Variants in C1orf185 observed in about 807,000 individuals in gnomAD.
C1orf185 encodes chromosome 1 open reading frame 185, also known as uncharacterized protein C1orf185.
Under a neutral mutation model 16.1 loss-of-function variants are expected in C1orf185, and 13 were observed. That is an observed-to-expected ratio of 0.81 (90% confidence interval 0.53 to 1.28). The LOEUF is 1.28. C1orf185 is among the 50% of genes most tolerant of loss of function. The pLI, the probability that C1orf185 is intolerant of heterozygous loss-of-function variation, is 0.00. For missense variants in C1orf185, 220 were observed against 225.2 expected (o/e 0.98, Z 0.15); for synonymous variants, 80 against 76.9 (o/e 1.04, Z -0.21).
At chr1:51,147,377 A>T in intron 4 of C1orf185, 90 bp from the exon 5 acceptor site, 1 of 1,190,556 alleles carries the variant, frequency 8.4e-7, no homozygotes, top group Non-Finnish European at 1.1e-6. Context: ...GAATTTCTTT[A>T]TAGCATTATC....
Position 51,147,457 on chromosome 1 carries a change from G to A in C1orf185, c.296-10G>A. The stretch of plus-strand genomic sequence containing the variant: ...AATATATAATATTCATAGTAAATCT[G>A]TTTTTACAGCAATTAAAGATCATTC... On this transcript the variant is annotated splice_polypyrimidine_tract_variant and intron_variant, in intron 4 of 4. Transcript: ENST00000371759. The A allele has an allele frequency of 6.6e-7, 1 of 1,504,374 alleles. No homozygotes were observed. 93.2% of individuals were successfully genotyped at this position (1,504,374 alleles called of 1,614,324 possible).
chr1:51,118,619 A>G (rs1646174639), intron 2 of C1orf185, 47 bp from the exon 3 acceptor site: 1 of 1,101,228 alleles, frequency 9.1e-7, no homozygotes, highest in South Asian at 2.6e-5. Context: ...TAATTGTTTT[A>G]TAATCTAACT....
At chr1:51,143,821 C>T (rs1196099524) in intron 3 of C1orf185, among the ~76,000 whole-genome samples, 2 of 152,146 alleles carry the variant, frequency 1.3e-5, no homozygotes, top group Non-Finnish European at 2.9e-5. Flanking sequence ...CGCCATCATG[C>T]CCAGCTAATT....
intron 3 of C1orf185, among the ~76,000 whole-genome samples, chr1:51,137,985 T>C (rs557142886): frequency 1.3e-5 from 2 of 152,212 alleles, no homozygotes; most frequent in Admixed American, 1.3e-4. Flanking sequence ...CTCATTTATA[T>C]GGGAGAGCCA....
At chr1:51,131,625 G>A (rs1217086789) in intron 3 of C1orf185, among the ~76,000 whole-genome samples, 1 of 152,118 alleles carries the variant, frequency 6.6e-6, no homozygotes, top group African/African-American at 2.4e-5. Flanking sequence ...AAGAAAGAGA[G>A]AGAGAGAGAG....
chr1:51,130,622 A>T (rs1037421436), intron 3 of C1orf185, among the ~76,000 whole-genome samples: 1 of 152,230 alleles, frequency 6.6e-6, no homozygotes, highest in African/African-American at 2.4e-5. Flanking sequence ...CATTGTCCCA[A>T]CATCATTTGT....
At chr1:51,106,630 C>T (rs970065656) in intron 1 of C1orf185, among the ~76,000 whole-genome samples, 11 of 152,044 alleles carry the variant, frequency 7.2e-5, no homozygotes, top group Non-Finnish European at 1.5e-4. Flanking sequence ...GCCTGGGCAA[C>T]AGAGTCAGGC....
downstream of C1orf185, among the ~76,000 whole-genome samples, chr1:51,150,605 T>TA (rs944745473): frequency 4.5e-4 from 69 of 152,336 alleles, no homozygotes; most frequent in African/African-American, 1.6e-3. Flanking sequence ...GAACAATACT[T>TA]ACGAAATTAT....
At chr1:51,132,952 G>A (rs1440824323) in intron 3 of C1orf185, among the ~76,000 whole-genome samples, 4 of 152,192 alleles carry the variant, frequency 2.6e-5, no homozygotes, top group Admixed American at 2.0e-4. Flanking sequence ...TTTCATATCT[G>A]GCCAAATTAA....
chr1:51,119,821 A>G (rs1021653604), intron 3 of C1orf185, among the ~76,000 whole-genome samples: 7 of 152,306 alleles, frequency 4.6e-5, no homozygotes, highest in African/African-American at 1.4e-4. Context: ...TTTGTTGAGT[A>G]CTTTATATAC....
intron 3 of C1orf185, among the ~76,000 whole-genome samples, chr1:51,136,499 G>A (rs1395745622): frequency 6.6e-6 from 1 of 152,022 alleles, no homozygotes; most frequent in African/African-American, 2.4e-5. Context: ...TTCAAACTGT[G>A]CTATAGAGTT....
At position 51,112,690 on chromosome 1, in the gene C1orf185, G is replaced by A. The variant is rs1570292052; in HGVS notation, c.122+121G>A. ...GTATTGATTGTTTAGTTTGGGATTT[G>A]GTTATAGACCCTTTGGTTGGGGACG... is the stretch of plus-strand genomic sequence containing the variant. On this transcript the variant is annotated intron_variant, in intron 2 of 4. Transcript: ENST00000371759. The A allele has an allele frequency of 1.2e-5, 11 of 908,372 alleles. No homozygotes were observed. In the East Asian group the frequency reaches 2.6e-4, roughly 21 times the overall value. 56.3% of individuals were successfully genotyped at this position (908,372 alleles called of 1,614,324 possible).
chr1:51,151,109 A>G (rs904361490), downstream of C1orf185, among the ~76,000 whole-genome samples: 1 of 152,230 alleles, frequency 6.6e-6, no homozygotes, highest in Non-Finnish European at 1.5e-5. Flanking sequence ...TTGATTACAT[A>G]TACCTGAAAA....
At chr1:51,104,451 C>T (rs948900497) in intron 1 of C1orf185, among the ~76,000 whole-genome samples, 1 of 151,858 alleles carries the variant, frequency 6.6e-6, no homozygotes, top group African/African-American at 2.4e-5. Context: ...GAAGAAGGAC[C>T]TACAAATGCA....
chr1:51,118,628 C>G (rs1484367173), intron 2 of C1orf185, 38 bp from the exon 3 acceptor site: 1 of 1,164,628 alleles, frequency 8.6e-7, no homozygotes, highest in Admixed American at 3.4e-5. Context: ...TATAATCTAA[C>G]TCAGGTTTAA....
chr1:51,106,645 C>T (rs1305805224), intron 1 of C1orf185, among the ~76,000 whole-genome samples: 1 of 151,794 alleles, frequency 6.6e-6, no homozygotes, highest in Non-Finnish European at 1.5e-5. Flanking sequence ...TCAGGCCTTG[C>T]CTCCAATACA....
chr1:51,122,504 T>G (rs1308596760), intron 3 of C1orf185, among the ~76,000 whole-genome samples: 1 of 152,206 alleles, frequency 6.6e-6, no homozygotes, highest in Non-Finnish European at 1.5e-5. Flanking sequence ...TCCCACTATA[T>G]TCTTTCCCCC....
At chr1:51,107,540 T>C (rs1384626159) in intron 1 of C1orf185, among the ~76,000 whole-genome samples, 1 of 152,224 alleles carries the variant, frequency 6.6e-6, no homozygotes, top group East Asian at 1.9e-4. Context: ...CAGTACATAA[T>C]TGGAATCATT....
At chr1:51,146,712 A>G (rs527584671) in intron 4 of C1orf185, among the ~76,000 whole-genome samples, 11 of 152,242 alleles carry the variant, frequency 7.2e-5, no homozygotes, top group Non-Finnish European at 1.3e-4. Context: ...CATTTATCTA[A>G]GTCTGTTTAT....
Sources: gnomAD v4.1 joint callset for allele counts (sites outside exome capture counted in the v4.1 genomes callset) on GRCh38, gnomAD v4.1.1 for gene constraint, MANE v1.5 for transcripts, NCBI Gene and HGNC (gene_info 2026-07-23, HGNC 2026-07-21) for gene names.